Variants in DTX2 observed in about 807,000 individuals in gnomAD.
The protein encoded by DTX2 is probable E3 ubiquitin-protein ligase DTX2.
A neutral mutation model predicts 55.3 loss-of-function variants in DTX2; 29 were observed. The observed-to-expected ratio is 0.52, with a 90% CI of 0.39 to 0.71. The LOEUF is 0.71. Ranked by LOEUF, DTX2 falls within the 30% of genes least tolerant of loss-of-function variation. The pLI is 0.00. For missense variants in DTX2, 537 were observed against 822.5 expected, an observed-to-expected ratio of 0.65 and a Z score of 4.25; for synonymous variants, 276 against 340.4, an observed-to-expected ratio of 0.81 and a Z score of 2.08.
intron 6 of DTX2, among the ~76,000 whole-genome samples, chr7:76,499,039 GGT>G (rs1401429892): frequency 1.9e-5 from 1 of 53,058 alleles, no homozygotes; most frequent in Non-Finnish European, 3.4e-5. Flanking sequence ...TGGGGTGTGA[GGT>G]GTGTGGAGGT....
intron 5 of DTX2, among the ~76,000 whole-genome samples, chr7:76,495,038 T>C (rs1810777564): frequency 6.8e-6 from 1 of 147,926 alleles, no homozygotes; most frequent in Non-Finnish European, 1.5e-5. Context: ...CAGGTGACAG[T>C]GCCTCCAGGT....
intron 2 of DTX2, among the ~76,000 whole-genome samples, chr7:76,471,686 G>A (rs1807944162): frequency 6.6e-6 from 1 of 150,804 alleles, no homozygotes; most frequent in Non-Finnish European, 1.5e-5. Context: ...GTGAGCCACT[G>A]CACCAGGCCT....
chr7:76,503,924 G>A (rs1353450866), intron 9 of DTX2, among the ~76,000 whole-genome samples: 8 of 148,778 alleles, frequency 5.4e-5, no homozygotes, highest in African/African-American at 1.5e-4. Context: ...CTGGAGAAGC[G>A]GGGCCACAGC....
intron 2 of DTX2, among the ~76,000 whole-genome samples, chr7:76,472,436 C>T (rs879803147): frequency 2.2e-5 from 3 of 137,964 alleles, no homozygotes; most frequent in East Asian, 2.1e-4. Flanking sequence ...AGGGGATTCT[C>T]CTGCCTCAGC....
In DTX2 at chr7:76,468,022, G is replaced by C. The variant is rs1443310932; in HGVS notation, c.-90+4313G>C. Among the ~76,000 whole-genome samples, 6 of 152,418 alleles carry C rather than the reference G, an allele frequency of 3.9e-5. No individual in the cohort carries two copies. The East Asian group carries it at 1.2e-3, about 29-fold the overall frequency. On this transcript the variant is annotated intron_variant, in intron 2 of 10. Coordinates refer to ENST00000430490, the MANE Select transcript of DTX2 (RefSeq NM_001102594.3). ...AGCTTTGGGTGATCTGTATGCAAGG[G>C]AATATTGAAGCCATGGGAACAGATC... is the stretch of plus-strand genomic sequence containing the variant.
chr7:76,482,514 T>A lies in DTX2; in HGVS notation c.275T>A (p.Met92Lys). ...TGTTTTCCTTTGAAAATAGGCACCA[T>A]GCGGGCTGTGCGGAGACACCTGTTC... is the stretch of plus-strand genomic sequence containing the variant. ...WTQFRQDTGT[M>K]RAVRRHLFPQ... The change falls in exon 4 of 11, where the codon ATG (methionine) becomes AAG (lysine). Residue 92 changes from methionine (M) to lysine (K), a missense_variant. By Grantham distance (95) the Met-to-Lys change is moderately conservative. Coordinates refer to ENST00000430490, the MANE Select transcript of DTX2 (RefSeq NM_001102594.3). The A allele has an allele frequency of 5.0e-6, 8 of 1,592,286 alleles. No homozygotes were observed. The highest frequency in any genetic ancestry group is 6.9e-6 in the Non-Finnish European group (8 of 1,164,708).
chr7:76,473,806 T>C (rs1808206040), intron 2 of DTX2, among the ~76,000 whole-genome samples: 1 of 108,158 alleles, frequency 9.2e-6, no homozygotes, highest in Non-Finnish European at 2.0e-5. Flanking sequence ...AGACTCTGTC[T>C]CAAAGAAAAG....
Position 76,505,768 on chromosome 7 carries a change from C to G in DTX2, c.*167C>G, listed in dbSNP as rs1812281561. On this transcript the variant is annotated 3_prime_UTR_variant, in exon 11 of 11. Coordinates refer to ENST00000430490, the MANE Select transcript of DTX2 (RefSeq NM_001102594.3). This position sits in a 1 kb window ranked among gnomAD's most constrained non-coding sequence, Gnocchi z 4.4. ...CCCCTGCCTGCCTCTCTCTCCTCCTCCCCTCTGGGAATTGGGCAGCCCTGG... is the reference window on the plus strand; with the variant it reads ...CCCCTGCCTGCCTCTCTCTCCTCCTGCCCTCTGGGAATTGGGCAGCCCTGG... The G allele has an allele frequency of 2.7e-6, 2 of 730,632 alleles. No homozygotes were observed. The highest frequency in any genetic ancestry group is 2.3e-6 in the Non-Finnish European group (1 of 444,142). 45.3% of individuals were successfully genotyped at this position (730,632 alleles called of 1,614,324 possible). A position where few individuals can be genotyped will look rare whatever the true frequency, so the allele number is the denominator to read the frequency against.
At position 76,465,044 on chromosome 7, in the gene DTX2, T is replaced by G. The variant is rs1188117895; in HGVS notation, c.-90+1335T>G. On this transcript the variant is annotated intron_variant, in intron 2 of 10. Coordinates refer to ENST00000430490, the MANE Select transcript of DTX2 (RefSeq NM_001102594.3). ...AACTTCACCTCCCAGGCTCAAGAGG[T>G]TCTTGTGCCTCAGCTTCCCGAGTAG... 3.0e-3 allele frequency among the ~76,000 whole-genome samples: 447 copies of G among 147,738 alleles called. 2 individuals are homozygous for G. Among genetic ancestry groups the G allele is most frequent in the African/African-American group, 9.7e-3 (373 of 38,304 alleles).
intron 2 of DTX2, among the ~76,000 whole-genome samples, chr7:76,472,868 CTGTAGTGAAT>C (rs774827421): frequency 7.0e-4 from 106 of 152,360 alleles, no homozygotes; most frequent in Admixed American, 1.9e-3. Flanking sequence ...AGAGACAGTG[CTGTAGTGAAT>C]AGCTTCACGT....
chr7:76,478,383 A>C (rs1437225642), intron 2 of DTX2, among the ~76,000 whole-genome samples: 1 of 142,094 alleles, frequency 7.0e-6, no homozygotes, highest in Non-Finnish European at 1.5e-5. Context: ...GGGCTCTGGC[A>C]TCAGTGTGCA....
At chr7:76,495,402 T>C (rs1243944140) in intron 5 of DTX2, among the ~76,000 whole-genome samples, 1 of 151,534 alleles carries the variant, frequency 6.6e-6, no homozygotes, top group Non-Finnish European at 1.5e-5. Context: ...TCCTCCCAGA[T>C]GGGTGGAGAA....
In DTX2 at chr7:76,505,979, C is replaced by G. The variant is rs577997574; in HGVS notation, c.*378C>G. On this transcript the variant is annotated 3_prime_UTR_variant, in exon 11 of 11. Coordinates refer to ENST00000430490, the MANE Select transcript of DTX2 (RefSeq NM_001102594.3). This position sits in a 1 kb window ranked among gnomAD's most constrained non-coding sequence, Gnocchi z 4.4. ...ACCTCAATTTTGTTTGCAATAAATGCTCTATAGCCAAAGCCAGCAGGTCCT... is the reference window on the plus strand; with the variant it reads ...ACCTCAATTTTGTTTGCAATAAATGGTCTATAGCCAAAGCCAGCAGGTCCT... 1.2e-4 allele frequency: 44 copies of G among 358,538 alleles called. No homozygotes were observed. The highest frequency in any genetic ancestry group is 1.9e-4 in the Non-Finnish European group (37 of 190,546). 22.2% of individuals were successfully genotyped at this position (358,538 alleles called of 1,614,324 possible). A position where few individuals can be genotyped will look rare whatever the true frequency, so the allele number is the denominator to read the frequency against.
chr7:76,464,198 A>AG (rs1177988411), intron 2 of DTX2, among the ~76,000 whole-genome samples: 2 of 151,420 alleles, frequency 1.3e-5, no homozygotes, highest in Admixed American at 1.3e-4. Context: ...GTGGTAGTTG[A>AG]GGGGGGTTGT....
In DTX2 at chr7:76,503,331, C is replaced by T. The variant is rs1190666121; in HGVS notation, c.1390-95C>T. On this transcript the variant is annotated intron_variant, in intron 8 of 10. Transcript: ENST00000430490. ...AGCAACTCCCTGGGATGGTGGCCAG[C>T]CCATTCCCGGGGCCCTTTACCATCT... 4 of 1,411,406 alleles carry T rather than the reference C, an allele frequency of 2.8e-6. 1 individual carries two copies. The South Asian group carries it at 4.3e-5, about 15-fold the overall frequency. The allele number at this position is 1,411,406 out of a possible 1,614,324, so 87.4% of individuals were successfully genotyped here.
intron 2 of DTX2, among the ~76,000 whole-genome samples, chr7:76,469,013 C>T (rs1442491132): frequency 8.6e-6 from 1 of 116,044 alleles, no homozygotes; most frequent in Non-Finnish European, 1.8e-5. Context: ...GATCCACCCA[C>T]CTCAGCCTCC....
rs1459506035 is a variant in DTX2, at chr7:76,468,827, G to GTC, written c.-90+5121_-90+5122dup. On this transcript the variant is annotated intron_variant, in intron 2 of 10. Transcript: ENST00000430490. The stretch of plus-strand genomic sequence containing the variant: ...GCCCAGGCTGGAGTACAGTGGCACA[G>GTC]TCTCGGCTCACTGCAGCCTCCGCCT... Among the ~76,000 whole-genome samples the GTC allele has an allele frequency of 2.3e-3, 297 of 131,404 alleles. 4 individuals carry two copies. Among genetic ancestry groups the GTC allele is most frequent in the African/African-American group, 8.6e-3 (281 of 32,506 alleles). The allele number at this position is 131,404 out of a possible 152,430, so 86.2% of individuals were successfully genotyped here.
intron 4 of DTX2, among the ~76,000 whole-genome samples, chr7:76,490,748 C>G (rs562236432): frequency 9.4e-6 from 1 of 106,562 alleles, no homozygotes; most frequent in East Asian, 2.8e-4. Context: ...GCTGGGACCA[C>G]AGGTGCATGC....
rs1035696196 is a variant in DTX2 at position 76,501,382 on chromosome 7, G to C, written c.1230+862G>C. ...CTTGCCACATTCCCGCCTGCCCAGC[G>C]CTCAGCTCTGTCTCGGCCCTGGTGT... On this transcript the variant is annotated intron_variant, in intron 7 of 10. Coordinates refer to ENST00000430490, the MANE Select transcript of DTX2 (RefSeq NM_001102594.3). 7.0e-6 allele frequency: 3 copies of C among 429,604 alleles called. No homozygotes were observed. The Admixed American group carries it at 7.6e-5, about 11-fold the overall frequency. The allele number at this position is 429,604 out of a possible 1,614,324, so 26.6% of individuals were successfully genotyped here. A position where few individuals can be genotyped will look rare whatever the true frequency, so the allele number is the denominator to read the frequency against.
Sources: allele counts gnomAD v4.1 joint callset (sites outside exome capture counted in the v4.1 genomes callset), GRCh38; gene constraint gnomAD v4.1.1; non-coding constraint Gnocchi (gnomAD v3.1); transcripts MANE v1.5; gene names NCBI Gene and HGNC (gene_info 2026-07-23, HGNC 2026-07-21).